Variants in PDZD9 observed in about 807,000 individuals in gnomAD.
The protein encoded by PDZD9 is PDZ domain containing 9, also known as PDZ domain-containing protein 9.
Under a neutral mutation model 16.3 loss-of-function variants are expected in PDZD9, and 13 were observed. The observed-to-expected ratio is 0.80, with a 90% CI of 0.52 to 1.27. PDZD9 has a LOEUF of 1.27. PDZD9 is among the 50% of genes most tolerant of loss of function. PDZD9 has a pLI of 0.00. For missense variants in PDZD9, 288 were observed against 310.9 expected (o/e 0.93, Z 0.55); for synonymous variants, 120 against 111.0 (o/e 1.08, Z -0.51).
At chr16:21,986,756 G>T (rs1898885871) in intron 3 of PDZD9, among the ~76,000 whole-genome samples, 1 of 152,146 alleles carries the variant, frequency 6.6e-6, no homozygotes, top group Non-Finnish European at 1.5e-5. Context: ...CATTAAAATT[G>T]GGATAAATGT....
intron 1 of PDZD9, 117 bp from the exon 2 acceptor site, chr16:21,996,618 T>A: frequency 2.0e-6 from 2 of 996,780 alleles, no homozygotes; most frequent in Non-Finnish European, 2.8e-6. Flanking sequence ...TTCCTCAGAT[T>A]CCTTGTCAGT....
At chr16:21,986,863 G>A (rs1018087958) in intron 3 of PDZD9, among the ~76,000 whole-genome samples, 5 of 152,182 alleles carry the variant, frequency 3.3e-5, no homozygotes, top group Admixed American at 3.3e-4. Flanking sequence ...GACTACTGAA[G>A]AGCAAAGTTA....
intron 1 of PDZD9, among the ~76,000 whole-genome samples, chr16:21,997,116 C>T (rs568777056): frequency 6.6e-6 from 1 of 152,332 alleles, no homozygotes; most frequent in African/African-American, 2.4e-5. Flanking sequence ...AGCCACCGTG[C>T]CTGGCCCACA....
intron 1 of PDZD9, among the ~76,000 whole-genome samples, chr16:21,997,019 C>T (rs1899168719): frequency 6.6e-6 from 1 of 151,972 alleles, no homozygotes; most frequent in Non-Finnish European, 1.5e-5. Context: ...GACAGGGTCT[C>T]ACTATATTGG....
chr16:21,965,512 A>G, the PDZD9 span: 4 of 1,556,732 alleles, frequency 2.6e-6, no homozygotes, highest in African/African-American at 2.8e-5. Context: ...GGAGGTACCA[A>G]TAAAACATAT....
At chr16:21,958,708 A>G in the PDZD9 span, 9 of 937,008 alleles carry the variant, frequency 9.6e-6, no homozygotes, top group Non-Finnish European at 1.5e-5. Context: ...GCAACATAAG[A>G]AGGAAAAGAC....
chr16:21,980,690 A>G, downstream of PDZD9: 1 of 1,613,026 alleles, frequency 6.2e-7, no homozygotes, highest in Non-Finnish European at 8.5e-7. Flanking sequence ...GCTAATGCTG[A>G]TATCATAAAT....
intron 3 of PDZD9, among the ~76,000 whole-genome samples, chr16:21,986,502 G>C (rs1396218567): frequency 6.6e-6 from 1 of 152,122 alleles, no homozygotes; most frequent in Non-Finnish European, 1.5e-5. Flanking sequence ...TCCAGTGTAG[G>C]AGTCGCTGAG....
the PDZD9 span, among the ~76,000 whole-genome samples, chr16:21,961,626 T>TTATATATATATATATATATA: frequency 1.6e-3 from 105 of 64,434 alleles, 1 homozygote; most frequent in East Asian, 4.7e-3. Flanking sequence ...AACATAAAAT[T>TTATATATATATATATATATA]TATATATATA....
chr16:21,993,302 C>T (rs368037013), intron 2 of PDZD9, among the ~76,000 whole-genome samples: 2 of 152,090 alleles, frequency 1.3e-5, no homozygotes, highest in East Asian at 3.9e-4. Flanking sequence ...CACTCTAGCA[C>T]CCTGGAGTAT....
chr16:21,984,804 T>C, intron 3 of PDZD9, 144 bp from the exon 4 acceptor site: 1 of 586,996 alleles, frequency 1.7e-6, no homozygotes, highest in South Asian at 5.3e-5. Context: ...TTGAAATGTT[T>C]CTCTTTTTTA....
chr16:21,972,461 C>T, the PDZD9 span, among the ~76,000 whole-genome samples: 1,406 of 152,192 alleles, frequency 9.2e-3, 24 homozygotes, highest in African/African-American at 0.032. Flanking sequence ...TTCTTCTGTC[C>T]GCTTCTGTTC....
At chr16:21,999,912 C>A (rs916977322) in intron 1 of PDZD9, among the ~76,000 whole-genome samples, 1 of 152,204 alleles carries the variant, frequency 6.6e-6, no homozygotes, top group African/African-American at 2.4e-5. Flanking sequence ...TGGTTCACGC[C>A]TGTAATCCAA....
the PDZD9 span, among the ~76,000 whole-genome samples, chr16:21,962,024 C>CT: frequency 6.6e-6 from 1 of 152,088 alleles, no homozygotes; most frequent in Non-Finnish European, 1.5e-5. Flanking sequence ...AGCTCCGGAA[C>CT]TTTTCTATCT....
At chr16:21,982,973 A>AG, downstream of PDZD9, 1 of 1,001,012 alleles carries the variant, frequency 1.0e-6, no homozygotes, top group East Asian at 2.6e-5. Context: ...CAAAAAAAAA[A>AG]AAAAAAAAAA....
chr16:21,963,411 ATTGT>A, the PDZD9 span, among the ~76,000 whole-genome samples: 11 of 152,160 alleles, frequency 7.2e-5, no homozygotes, highest in Middle Eastern at 3.4e-3. Context: ...TGGTAAGTAA[ATTGT>A]TTGTAAGATC....
At chr16:21,972,711 C>T in the PDZD9 span, among the ~76,000 whole-genome samples, 1 of 152,002 alleles carries the variant, frequency 6.6e-6, no homozygotes, top group African/African-American at 2.4e-5. Flanking sequence ...CCCCATCTCT[C>T]CTAATCCAAT....
At chr16:21,988,236 G>A (rs939958533) in intron 3 of PDZD9, among the ~76,000 whole-genome samples, 1 of 151,680 alleles carries the variant, frequency 6.6e-6, no homozygotes, top group African/African-American at 2.4e-5. Context: ...TCTCGATTTC[G>A]TGACCTCATG....
downstream of PDZD9, chr16:21,980,117 C>T: frequency 8.9e-6 from 1 of 112,126 alleles, no homozygotes; most frequent in South Asian, 1.8e-4. Context: ...TGACAGCCTT[C>T]TCACTGACAG....
Sources: allele counts gnomAD v4.1 joint callset (sites outside exome capture counted in the v4.1 genomes callset), GRCh38; gene constraint gnomAD v4.1.1; transcripts MANE v1.5; gene names NCBI Gene and HGNC (gene_info 2026-07-23, HGNC 2026-07-21).